KIF18A: variants seen among roughly 807,000 people sequenced by gnomAD.
KIF18A encodes kinesin-like protein KIF18A.
Under a neutral mutation model 103.3 loss-of-function variants are expected in KIF18A, and 67 were observed. That is an observed-to-expected ratio of 0.65 (90% confidence interval 0.53 to 0.79). The LOEUF (loss-of-function observed/expected upper bound fraction) is 0.79. KIF18A is among the 30% of genes least tolerant of loss of function. The pLI is 0.00. For missense variants in KIF18A, 1,032 were observed against 1,062.5 expected (o/e 0.97, Z 0.40); for synonymous variants, 367 against 355.5 (o/e 1.03, Z -0.36).
At chr11:28,031,160 G>T (rs1220529596) in intron 15 of KIF18A, among the ~76,000 whole-genome samples, 1 of 152,158 alleles carries the variant, frequency 6.6e-6, no homozygotes, top group Non-Finnish European at 1.5e-5. Flanking sequence ...AATACCATTT[G>T]ACCCAGCCAT....
chr11:28,088,172 G>C (rs1851255609), intron 6 of KIF18A, among the ~76,000 whole-genome samples: 1 of 151,718 alleles, frequency 6.6e-6, no homozygotes, highest in African/African-American at 2.4e-5. Context: ...TAAAAATATG[G>C]TTAGTTTGTC....
chr11:28,069,211 G>C (rs1850977206), intron 11 of KIF18A, 48 bp downstream of exon 11: 5 of 1,415,582 alleles, frequency 3.5e-6, no homozygotes, highest in Admixed American at 1.7e-5. Context: ...CACATTTTAG[G>C]AGCTCAGTTC....
At chr11:28,034,527 G>T (rs1259650476) in intron 15 of KIF18A, among the ~76,000 whole-genome samples, 1 of 151,610 alleles carries the variant, frequency 6.6e-6, no homozygotes, top group African/African-American at 2.4e-5. Flanking sequence ...CAATTTTTCT[G>T]TGAAAGCCTC....
At chr11:28,084,939 T>C in intron 6 of KIF18A, 131 bp from the exon 7 acceptor site, 1 of 607,882 alleles carries the variant, frequency 1.6e-6, no homozygotes, top group Non-Finnish European at 2.9e-6. Flanking sequence ...ATAAACTGTT[T>C]CAGTATAATG....
chr11:28,092,031 G>A (rs1207179955), intron 3 of KIF18A, among the ~76,000 whole-genome samples: 1 of 152,138 alleles, frequency 6.6e-6, no homozygotes, highest in Non-Finnish European at 1.5e-5. Context: ...TAGCCAGGAT[G>A]GTCTTGATCT....
intron 15 of KIF18A, among the ~76,000 whole-genome samples, chr11:28,028,976 C>A (rs999994785): frequency 3.9e-5 from 6 of 152,128 alleles, no homozygotes; most frequent in Admixed American, 2.0e-4. Context: ...AAGACTAAAC[C>A]AGGACGAAGT....
chr11:28,093,955 A>G (rs1590709942), intron 3 of KIF18A, among the ~76,000 whole-genome samples: 1 of 152,182 alleles, frequency 6.6e-6, no homozygotes, highest in Non-Finnish European at 1.5e-5. Flanking sequence ...TCTACAGACC[A>G]CAGCATAATA....
In KIF18A at chr11:28,054,901, G is replaced by C. The variant is rs553366013; in HGVS notation, c.1948+4025C>G. 4.6e-5 allele frequency among the ~76,000 whole-genome samples: 7 copies of C among 152,206 alleles called. No individual in the cohort carries two copies. In the South Asian group the frequency reaches 1.5e-3, roughly 32 times the overall value. On this transcript the variant is annotated intron_variant, in intron 13 of 16. Transcript: ENST00000263181. Reference sequence around the variant, plus strand: ...AAGTAAATTCTTTTGTTTTATTGTTGACAAGTATAGTCTGTGCAATTATAC... The same window carrying C: ...AAGTAAATTCTTTTGTTTTATTGTTCACAAGTATAGTCTGTGCAATTATAC...
At chr11:28,072,524 A>G (rs1851033194) in intron 10 of KIF18A, among the ~76,000 whole-genome samples, 1 of 152,170 alleles carries the variant, frequency 6.6e-6, no homozygotes, top group African/African-American at 2.4e-5. Flanking sequence ...CTCATACTAC[A>G]GTTTGACACT....
At chr11:28,078,168 G>A (rs1292983767) in intron 9 of KIF18A, among the ~76,000 whole-genome samples, 1 of 152,064 alleles carries the variant, frequency 6.6e-6, no homozygotes, top group African/African-American at 2.4e-5. Flanking sequence ...ATAAGGATCA[G>A]CGGTAAAAAC....
At chr11:28,030,441 C>T (rs1303269924) in intron 15 of KIF18A, among the ~76,000 whole-genome samples, 7 of 151,684 alleles carry the variant, frequency 4.6e-5, no homozygotes, top group South Asian at 2.1e-4. Context: ...AAGGATTCCC[C>T]ATTTAATAAA....
At chr11:28,067,248 T>C (rs114036761) in intron 11 of KIF18A, among the ~76,000 whole-genome samples, 83 of 152,258 alleles carry the variant, frequency 5.5e-4, no homozygotes, top group African/African-American at 1.9e-3. Context: ...TGCTGTATTC[T>C]ATGTTTAATG....
intron 13 of KIF18A, among the ~76,000 whole-genome samples, chr11:28,038,048 T>C (rs747114858): frequency 2.0e-5 from 3 of 151,570 alleles, no homozygotes; most frequent in Non-Finnish European, 4.4e-5. Flanking sequence ...TGTATACCAA[T>C]TCTGTCTTTT....
In KIF18A at chr11:28,021,196, T is replaced by C; in HGVS notation, c.*4A>G. On this transcript the variant is annotated 3_prime_UTR_variant, in exon 17 of 17. Transcript: ENST00000263181. ...AACTTCATTTTGCTTGGTTTTGAAG[T>C]GATTTATCTTAGATTTCCTTTTGAA... is the stretch of plus-strand genomic sequence containing the variant. The C allele has an allele frequency of 6.7e-7, 1 of 1,499,558 alleles. No homozygotes were observed. Among genetic ancestry groups the C allele is most frequent in the Non-Finnish European group, 8.9e-7 (1 of 1,121,350 alleles). 92.9% of individuals were successfully genotyped at this position (1,499,558 alleles called of 1,614,324 possible).
At chr11:28,080,403 CAAGTCTAT>C (rs1428097917) in intron 9 of KIF18A, among the ~76,000 whole-genome samples, 2 of 147,614 alleles carry the variant, frequency 1.4e-5, no homozygotes, top group African/African-American at 5.0e-5. Context: ...TTGCTGTGAG[CAAGTCTAT>C]AAGCATCATT....
intron 10 of KIF18A, among the ~76,000 whole-genome samples, chr11:28,075,149 T>C (rs950386172): frequency 6.6e-6 from 1 of 152,178 alleles, no homozygotes; most frequent in African/African-American, 2.4e-5. Flanking sequence ...ATGTATGACT[T>C]TTCTTCTTGT....
chr11:28,032,380 A>G (rs1393100332), intron 15 of KIF18A, among the ~76,000 whole-genome samples: 1 of 151,930 alleles, frequency 6.6e-6, no homozygotes, highest in Non-Finnish European at 1.5e-5. Context: ...TAAAATTTAT[A>G]TGGAATCACA....
chr11:28,080,584 T>C (rs913580901), intron 9 of KIF18A, among the ~76,000 whole-genome samples: 16 of 152,112 alleles, frequency 1.1e-4, no homozygotes, highest in Admixed American at 1.3e-4. Flanking sequence ...TATAAGACAG[T>C]AAACTTAATC....
In KIF18A at chr11:28,091,472, C is replaced by T; in HGVS notation, c.525G>A (p.Gly175=). The part of the protein sequence containing the change: ...EQIRDLLVNS[G]PLAVREDTQK... ...GGGTATCTTCCCGGACAGCAAGTGGCCCTGAATTTACTAAGAGATCACGAA... is the reference window on the plus strand; with the variant it reads ...GGGTATCTTCCCGGACAGCAAGTGGTCCTGAATTTACTAAGAGATCACGAA... The change falls in exon 4 of 17, where the codon GGG becomes GGA. Residue 175 remains glycine (G), a synonymous_variant. Coordinates refer to ENST00000263181, the MANE Select transcript of KIF18A (RefSeq NM_031217.4). 6.2e-7 allele frequency: 1 copy of T among 1,611,300 alleles called. No homozygotes were observed.
Sources: allele counts gnomAD v4.1 joint callset (sites outside exome capture counted in the v4.1 genomes callset), GRCh38; gene constraint gnomAD v4.1.1; transcripts MANE v1.5; gene names NCBI Gene and HGNC (gene_info 2026-07-23, HGNC 2026-07-21).